Variants in CNTN6 observed in about 807,000 individuals in gnomAD.
The protein encoded by CNTN6 is contactin 6, also known as contactin-6.
CNTN6 carries 137 observed loss-of-function variants against 122.8 expected under a neutral mutation model. The observed-to-expected ratio is 1.12, with a 90% CI of 0.97 to 1.29. CNTN6 has a LOEUF of 1.29. Among genes scored for constraint, CNTN6 ranks in the 50% most tolerant of loss-of-function variants. The pLI, the probability that CNTN6 is intolerant of heterozygous loss-of-function variation, is 0.00. For synonymous variants in CNTN6, 570 were observed against 426.0 expected (o/e 1.34, Z -4.16); for missense variants, 1,634 against 1,223.4 (o/e 1.34, Z -5.01).
Position 1,325,910 on chromosome 3 carries a change from TG to T in CNTN6, c.1044del (p.Trp348CysfsTer5). 2 of 1,611,618 alleles carry T rather than the reference TG, an allele frequency of 1.2e-6. No homozygotes were observed. The highest frequency in any genetic ancestry group is 1.7e-6 in the Non-Finnish European group (2 of 1,178,544). ...TAAAGCTAGTGGAAAGCCAAACCCTTGGTATACATGGTTAAAAAATGGTGAA... is the reference window on the plus strand; with the variant it reads ...TAAAGCTAGTGGAAAGCCAAACCCTTGTATACATGGTTAAAAAATGGTGAA... The part of the protein sequence containing the change: ...ECKASGKPNP[W>X]YTWLKNGERL... On this transcript the variant is annotated frameshift_variant, in exon 9 of 23. Coordinates refer to ENST00000446702, the MANE Select transcript of CNTN6 (RefSeq NM_001289080.2). LOFTEE classifies it high-confidence loss of function.
intron 7 of CNTN6, among the ~76,000 whole-genome samples, chr3:1,306,904 C>G (rs975679795): frequency 2.6e-5 from 4 of 152,154 alleles, no homozygotes; most frequent in African/African-American, 9.7e-5. Flanking sequence ...TTCAATCTTT[C>G]TAAGAGTTAC....
At chr3:1,224,362 G>A (rs1217120726) in intron 3 of CNTN6, among the ~76,000 whole-genome samples, 1 of 151,992 alleles carries the variant, frequency 6.6e-6, no homozygotes, top group African/African-American at 2.4e-5. Flanking sequence ...GGACAGTAGA[G>A]GGATTATACT....
At chr3:1,254,999 G>T (rs1171461649) in intron 4 of CNTN6, among the ~76,000 whole-genome samples, 1 of 152,018 alleles carries the variant, frequency 6.6e-6, no homozygotes, top group Non-Finnish European at 1.5e-5. Flanking sequence ...AATTCATTAC[G>T]TATTGTTGGC....
chr3:1,384,502 GC>G, intron 19 of CNTN6, among the ~76,000 whole-genome samples: 1 of 143,790 alleles, frequency 7.0e-6, no homozygotes, highest in African/African-American at 3.0e-5. Context: ...ACATTTGTAG[GC>G]CTTCATCTCA....
intron 20 of CNTN6, among the ~76,000 whole-genome samples, chr3:1,399,923 A>G (rs1190555590): frequency 2.0e-5 from 3 of 152,112 alleles, no homozygotes; most frequent in South Asian, 4.1e-4. Flanking sequence ...ACAGGGAAAC[A>G]TTTCTCTATC....
chr3:1,106,878 C>CAAT (rs915447844), intron 1 of CNTN6, among the ~76,000 whole-genome samples: 1 of 151,862 alleles, frequency 6.6e-6, no homozygotes, highest in East Asian at 1.9e-4. Context: ...TCATTTTGGT[C>CAAT]AATAATAATA....
intron 4 of CNTN6, among the ~76,000 whole-genome samples, chr3:1,277,590 G>A (rs1692640094): frequency 6.6e-6 from 1 of 151,824 alleles, no homozygotes; most frequent in Non-Finnish European, 1.5e-5. Flanking sequence ...CAAACTCCTG[G>A]CCACAAGCAA....
At chr3:1,261,263 G>A (rs904478852) in intron 4 of CNTN6, among the ~76,000 whole-genome samples, 1 of 152,164 alleles carries the variant, frequency 6.6e-6, no homozygotes, top group Admixed American at 6.6e-5. Flanking sequence ...ACTATGTAGT[G>A]TATTTAGGTG....
intron 2 of CNTN6, among the ~76,000 whole-genome samples, chr3:1,164,249 A>T (rs187282761): frequency 1.3e-5 from 2 of 152,230 alleles, no homozygotes; most frequent in Middle Eastern, 3.2e-3. Flanking sequence ...TAGAGGCAAC[A>T]GTTCACAAAC....
chr3:1,155,187 T>C (rs2092935945), intron 2 of CNTN6, among the ~76,000 whole-genome samples: 1 of 152,210 alleles, frequency 6.6e-6, no homozygotes, highest in South Asian at 2.1e-4. Flanking sequence ...ATACATTGTT[T>C]ACCAGTGCAC....
chr3:1,265,033 G>A (rs991734382), intron 4 of CNTN6, among the ~76,000 whole-genome samples: 9 of 134,026 alleles, frequency 6.7e-5, no homozygotes, highest in African/African-American at 2.3e-4. Context: ...TGCCACAAAT[G>A]ACCGAATTTC....
At position 1,373,628 on chromosome 3, in the gene CNTN6, T is replaced by C; in HGVS notation, c.1811T>C (p.Val604Ala). Residue 604 changes from valine (V) to alanine (A), a missense_variant, in exon 15 of 23, where the codon GTG becomes GCG. By Grantham distance (64) the Val-to-Ala change is moderately conservative. Transcript: ENST00000446702. ...GGTCCACCAGGTCCTCCTGAGGATG[T>C]GCAAGTGGAAGACATTTCCAGTACT... ...VRGPPGPPED[V>A]QVEDISSTTS... 5 of 1,612,554 alleles carry C rather than the reference T, an allele frequency of 3.1e-6. No individual in the cohort carries two copies. Among genetic ancestry groups the C allele is most frequent in the Non-Finnish European group, 4.2e-6 (5 of 1,179,124 alleles).
intron 3 of CNTN6, among the ~76,000 whole-genome samples, chr3:1,221,899 T>C (rs1233074106): frequency 6.6e-6 from 1 of 152,220 alleles, no homozygotes; most frequent in Non-Finnish European, 1.5e-5. Flanking sequence ...CAGTGTATTT[T>C]GGCAAAATAA....
At chr3:1,260,563 CTG>C (rs1386745902) in intron 4 of CNTN6, among the ~76,000 whole-genome samples, 1 of 152,006 alleles carries the variant, frequency 6.6e-6, no homozygotes, top group African/African-American at 2.4e-5. Context: ...AAAACAAAAA[CTG>C]AGGTGATTTT....
intron 4 of CNTN6, among the ~76,000 whole-genome samples, chr3:1,262,430 G>A (rs576651090): frequency 6.6e-6 from 1 of 152,098 alleles, no homozygotes; most frequent in African/African-American, 2.4e-5. Flanking sequence ...GAGAATAATT[G>A]GCAGGTGTGG....
intron 11 of CNTN6, among the ~76,000 whole-genome samples, chr3:1,342,466 C>G (rs989141654): frequency 2.6e-5 from 4 of 152,146 alleles, no homozygotes; most frequent in African/African-American, 7.2e-5. Flanking sequence ...TCCAGCAAAA[C>G]ATAGCAAATT....
Position 1,376,645 on chromosome 3 carries a change from C to T in CNTN6, c.2096-360C>T, listed in dbSNP as rs550327200. 7.2e-5 allele frequency among the ~76,000 whole-genome samples: 11 copies of T among 152,156 alleles called. No individual in the cohort carries two copies. The East Asian group carries it at 1.9e-3, about 27-fold the overall frequency. ...AAAAAAAATAATTAATATACTGCCTCAGTAACTTGTTTACAGCTCAACTGT... is the reference window on the plus strand; with the variant it reads ...AAAAAAAATAATTAATATACTGCCTTAGTAACTTGTTTACAGCTCAACTGT... On this transcript the variant is annotated intron_variant, in intron 16 of 22. Transcript: ENST00000446702.
intron 2 of CNTN6, among the ~76,000 whole-genome samples, chr3:1,181,011 A>G (rs2093544346): frequency 6.7e-6 from 1 of 150,208 alleles, no homozygotes; most frequent in Admixed American, 6.6e-5. Context: ...TTCTTACTTT[A>G]TTTTATTATG....
At chr3:1,271,551 A>G (rs1314929952) in intron 4 of CNTN6, among the ~76,000 whole-genome samples, 3 of 152,124 alleles carry the variant, frequency 2.0e-5, no homozygotes, top group Non-Finnish European at 2.9e-5. Flanking sequence ...ATAGCTCTCT[A>G]TGTTGGTCAA....
Sources: allele counts gnomAD v4.1 joint callset (sites outside exome capture counted in the v4.1 genomes callset), GRCh38; gene constraint gnomAD v4.1.1; transcripts MANE v1.5; gene names NCBI Gene and HGNC (gene_info 2026-07-23, HGNC 2026-07-21).